Variants in SLC2A13 observed in about 807,000 individuals in gnomAD.
SLC2A13 encodes solute carrier family 2 member 13, also known as proton myo-inositol cotransporter.
SLC2A13 carries 32 observed loss-of-function variants against 64.4 expected under a neutral mutation model. That is an observed-to-expected ratio of 0.50 (90% confidence interval 0.37 to 0.67). The LOEUF is 0.67. Among genes scored for constraint, SLC2A13 ranks in the 30% least tolerant of loss-of-function variants. The pLI is 0.00. For synonymous variants in SLC2A13, 338 were observed against 327.1 expected (o/e 1.03, Z -0.36); for missense variants, 743 against 829.2 (o/e 0.90, Z 1.28).
At chr12:40,006,579 A>T (rs545786128) in intron 3 of SLC2A13, among the ~76,000 whole-genome samples, 21 of 152,344 alleles carry the variant, frequency 1.4e-4, no homozygotes, top group African/African-American at 2.4e-5. Context: ...TCTAAGAGTC[A>T]GGTAAAATTT....
At position 39,759,084 on chromosome 12, in the gene SLC2A13, A is replaced by C. The variant is rs1940046399; in HGVS notation, c.*942T>G. On this transcript the variant is annotated 3_prime_UTR_variant, in exon 10 of 10. Transcript: ENST00000280871. ...GTTTGCTTGCAGCTATGTATGTAAC[A>C]CAAATGAAGGCACGAAATAGTAGGA... is the stretch of plus-strand genomic sequence containing the variant. 6.6e-6 allele frequency: 1 copy of C among 152,520 alleles called. No homozygotes were observed. The highest frequency in any genetic ancestry group is 2.4e-5 in the African/African-American group (1 of 41,428). The allele number at this position is 152,520 out of a possible 1,614,324, so 9.4% of individuals were successfully genotyped here.
chr12:39,791,240 A>G (rs1233690507), intron 7 of SLC2A13, among the ~76,000 whole-genome samples: 1 of 145,540 alleles, frequency 6.9e-6, no homozygotes, highest in Non-Finnish European at 1.5e-5. Flanking sequence ...AATAAGAGCT[A>G]TCTATGACAA....
At chr12:39,846,654 G>A (rs181673977) in intron 6 of SLC2A13, among the ~76,000 whole-genome samples, 7 of 152,146 alleles carry the variant, frequency 4.6e-5, no homozygotes, top group East Asian at 3.9e-4. Context: ...ATTTTGCCAC[G>A]TTGCCCAGGC....
chr12:40,059,330 C>T (rs1043872595), intron 1 of SLC2A13, among the ~76,000 whole-genome samples: 19 of 152,128 alleles, frequency 1.2e-4, no homozygotes, highest in African/African-American at 3.6e-4. Context: ...AGATGGAAAA[C>T]TGGATGACAG....
At chr12:39,852,738 A>C (rs1368871453) in intron 6 of SLC2A13, among the ~76,000 whole-genome samples, 2 of 152,230 alleles carry the variant, frequency 1.3e-5, no homozygotes, top group East Asian at 3.9e-4. Flanking sequence ...TCTGCATTGC[A>C]GATGAAAAAT....
At chr12:39,903,903 G>C (rs1306699364) in intron 4 of SLC2A13, among the ~76,000 whole-genome samples, 1 of 152,032 alleles carries the variant, frequency 6.6e-6, no homozygotes, top group Non-Finnish European at 1.5e-5. Flanking sequence ...TATCAAACTG[G>C]ACTGATATCC....
intron 1 of SLC2A13, among the ~76,000 whole-genome samples, chr12:40,064,692 A>G (rs1024929159): frequency 1.3e-5 from 2 of 152,158 alleles, no homozygotes; most frequent in South Asian, 2.1e-4. Context: ...AAAATATTTC[A>G]TCAAAATTGT....
At chr12:39,855,449 C>T (rs763471115) in intron 6 of SLC2A13, among the ~76,000 whole-genome samples, 14 of 152,054 alleles carry the variant, frequency 9.2e-5, no homozygotes, top group Non-Finnish European at 1.6e-4. Flanking sequence ...CTGTCATGGC[C>T]CTGGGGAAAT....
At chr12:39,992,546 A>ATCCC (rs1479003734) in intron 3 of SLC2A13, among the ~76,000 whole-genome samples, 15 of 151,972 alleles carry the variant, frequency 9.9e-5, no homozygotes, top group South Asian at 4.2e-4. Flanking sequence ...TTCCCCTGTC[A>ATCCC]CTGTTTTCCT....
At chr12:39,871,178 TAATA>T (rs1323887337) in intron 5 of SLC2A13, among the ~76,000 whole-genome samples, 1 of 152,044 alleles carries the variant, frequency 6.6e-6, no homozygotes, top group East Asian at 1.9e-4. Context: ...TACAGTGAAA[TAATA>T]AATAAAATGG....
At chr12:40,082,171 T>C (rs1388424662) in intron 1 of SLC2A13, among the ~76,000 whole-genome samples, 3 of 152,140 alleles carry the variant, frequency 2.0e-5, no homozygotes, top group Admixed American at 2.0e-4. Flanking sequence ...GACAGTGTGG[T>C]AGTGAGGTTA....
At chr12:40,071,370 G>A (rs547672889) in intron 1 of SLC2A13, among the ~76,000 whole-genome samples, 2 of 152,174 alleles carry the variant, frequency 1.3e-5, no homozygotes, top group East Asian at 3.9e-4. Flanking sequence ...GCATACTTGG[G>A]ACAAATCCCA....
Position 40,001,530 on chromosome 12 carries a change from G to A in SLC2A13, c.925+26771C>T, listed in dbSNP as rs565255834. Among the ~76,000 whole-genome samples, 6 of 152,246 alleles carry A rather than the reference G, an allele frequency of 3.9e-5. No homozygotes were observed. In the South Asian group the frequency reaches 6.2e-4, roughly 16 times the overall value. ...CCCAATGACTCTGTGAGGTAGACAA[G>A]GCAGGAAAAGATAAAGAAAATGAAA... On this transcript the variant is annotated intron_variant, in intron 3 of 9. Transcript: ENST00000280871.
chr12:40,040,166 A>G (rs1948060683), intron 2 of SLC2A13, among the ~76,000 whole-genome samples: 1 of 152,228 alleles, frequency 6.6e-6, no homozygotes, highest in African/African-American at 2.4e-5. Flanking sequence ...ACAGCAAACA[A>G]TACCTAATAG....
chr12:39,810,056 G>A (rs572241816), intron 7 of SLC2A13, among the ~76,000 whole-genome samples: 1 of 152,266 alleles, frequency 6.6e-6, no homozygotes, highest in Non-Finnish European at 1.5e-5. Flanking sequence ...GGTATTTCTA[G>A]TTCTAGATCC....
chr12:39,838,272 G>A (rs1281192737), intron 6 of SLC2A13, among the ~76,000 whole-genome samples: 15 of 147,908 alleles, frequency 1.0e-4, no homozygotes, highest in Middle Eastern at 3.6e-3. Context: ...ATTCTCACTC[G>A]TAGGTGGGAA....
chr12:39,848,320 CA>C (rs1375348385), intron 6 of SLC2A13, among the ~76,000 whole-genome samples: 1 of 151,872 alleles, frequency 6.6e-6, no homozygotes, highest in Non-Finnish European at 1.5e-5. Context: ...AGGAACTTAG[CA>C]AATTTACAAA....
chr12:39,975,009 T>C (rs1018383233), intron 3 of SLC2A13, among the ~76,000 whole-genome samples: 2 of 152,232 alleles, frequency 1.3e-5, no homozygotes, highest in African/African-American at 2.4e-5. Flanking sequence ...AAAGTTCATA[T>C]TAGCATCAAA....
chr12:39,824,175 A>G (rs1232085224), intron 7 of SLC2A13, among the ~76,000 whole-genome samples: 1 of 152,240 alleles, frequency 6.6e-6, no homozygotes, highest in Non-Finnish European at 1.5e-5. Flanking sequence ...TCATATAAAA[A>G]ATATAATTAT....
Sources: allele counts gnomAD v4.1 joint callset (sites outside exome capture counted in the v4.1 genomes callset), GRCh38; gene constraint gnomAD v4.1.1; transcripts MANE v1.5; gene names NCBI Gene and HGNC (gene_info 2026-07-23, HGNC 2026-07-21).